CEP112: variants seen among roughly 807,000 people sequenced by gnomAD.
CEP112 encodes the protein centrosomal protein of 112 kDa.
CEP112 carries 127 observed loss-of-function variants against 153.0 expected under a neutral mutation model. The ratio of observed to expected loss-of-function variants is 0.83; its 90% CI spans 0.72 to 0.96. The LOEUF (loss-of-function observed/expected upper bound fraction) is 0.96. CEP112 is among the 40% of genes least tolerant of loss of function. The pLI, the probability that CEP112 is intolerant of heterozygous loss-of-function variation, is 0.00. For synonymous variants in CEP112, 358 were observed against 374.4 expected (o/e 0.96, Z 0.51); for missense variants, 1,089 against 1,101.2 (o/e 0.99, Z 0.16).
At chr17:65,817,700 C>G (rs1347462151) in intron 21 of CEP112, among the ~76,000 whole-genome samples, 1 of 151,836 alleles carries the variant, frequency 6.6e-6, no homozygotes, top group Non-Finnish European at 1.5e-5. Flanking sequence ...AAAGTGCTGT[C>G]TAATTCCTTG....
In CEP112 at chr17:65,635,804, C is replaced by A; in HGVS notation, c.*167G>T. On this transcript the variant is annotated 3_prime_UTR_variant, in exon 27 of 27. Transcript: ENST00000535342. ...ATAACTTAGGCAGACACAAATAAAA[C>A]CACCCCACTAGTGTATGAATGATGC... 1 of 645,296 alleles carries A rather than the reference C, an allele frequency of 1.5e-6. No homozygotes were observed. Among genetic ancestry groups the A allele is most frequent in the Non-Finnish European group, 2.6e-6 (1 of 386,856 alleles). 40.0% of individuals were successfully genotyped at this position (645,296 alleles called of 1,614,324 possible). A position where few individuals can be genotyped will look rare whatever the true frequency, so the allele number is the denominator to read the frequency against.
At chr17:66,169,276 TTTC>T (rs1444675600) in intron 4 of CEP112, among the ~76,000 whole-genome samples, 9 of 144,336 alleles carry the variant, frequency 6.2e-5, no homozygotes, top group Non-Finnish European at 1.0e-4. Context: ...CAATTTTTAA[TTTC>T]TTCTTTTTTT....
chr17:65,779,836 G>T (rs564006999), intron 21 of CEP112, among the ~76,000 whole-genome samples: 1 of 152,192 alleles, frequency 6.6e-6, no homozygotes, highest in South Asian at 2.1e-4. Flanking sequence ...TGTAGTGTAT[G>T]CTTATCAATA....
At chr17:66,182,082 A>G (rs1344134680) in intron 2 of CEP112, 2 of 152,230 alleles carry the variant, frequency 1.3e-5, no homozygotes, top group South Asian at 4.1e-4. Context: ...AACAGTCTCC[A>G]CTTATCCATG....
At chr17:65,736,540 T>C (rs1381401534) in intron 23 of CEP112, among the ~76,000 whole-genome samples, 2 of 152,028 alleles carry the variant, frequency 1.3e-5, no homozygotes, top group Non-Finnish European at 2.9e-5. Flanking sequence ...ATCCAGTGTA[T>C]ATAGAGAAAA....
intron 20 of CEP112, among the ~76,000 whole-genome samples, chr17:65,885,616 T>A (rs1444506357): frequency 6.6e-6 from 1 of 152,214 alleles, no homozygotes; most frequent in Non-Finnish European, 1.5e-5. Flanking sequence ...TCTTGTCAAA[T>A]TTGAAGAGAC....
chr17:65,823,464 C>T (rs2056690461), intron 21 of CEP112, among the ~76,000 whole-genome samples: 1 of 152,116 alleles, frequency 6.6e-6, no homozygotes, highest in African/African-American at 2.4e-5. Context: ...AATACAGAAA[C>T]AATTGAATCT....
At chr17:66,041,648 T>C (rs889158126) in intron 12 of CEP112, among the ~76,000 whole-genome samples, 11 of 152,096 alleles carry the variant, frequency 7.2e-5, no homozygotes, top group Non-Finnish European at 1.3e-4. Flanking sequence ...TAATCCGTAT[T>C]GATGGGGCCA....
chr17:65,916,202 C>T (rs1228466379), intron 19 of CEP112, among the ~76,000 whole-genome samples: 1 of 151,514 alleles, frequency 6.6e-6, no homozygotes, highest in Non-Finnish European at 1.5e-5. Context: ...TTTTTCTTCA[C>T]AACAGTTATC....
chr17:65,636,001 C>T (rs1193373059), intron 26 of CEP112, 27 bp from the exon 27 acceptor site: 1 of 1,593,586 alleles, frequency 6.3e-7, no homozygotes. Context: ...GCAGTCACGA[C>T]TTTCTCTAGG....
intron 4 of CEP112, among the ~76,000 whole-genome samples, chr17:66,166,953 T>C (rs2071997400): frequency 6.7e-6 from 1 of 150,156 alleles, no homozygotes; most frequent in African/African-American, 2.4e-5. Flanking sequence ...TTCAAATATA[T>C]GGCGTGAAAA....
At chr17:66,069,395 T>C (rs1598285602) in intron 9 of CEP112, among the ~76,000 whole-genome samples, 2 of 152,122 alleles carry the variant, frequency 1.3e-5, no homozygotes, top group South Asian at 4.1e-4. Flanking sequence ...TAAGTTTTAT[T>C]TGAAAATACA....
In CEP112 at chr17:65,935,793, A is replaced by T. The variant is rs558014735; in HGVS notation, c.1873-8104T>A. Among the ~76,000 whole-genome samples the T allele has an allele frequency of 2.5e-3, 384 of 152,056 alleles. 1 individual carries two copies. Among genetic ancestry groups the T allele is most frequent in the African/African-American group, 8.7e-3 (361 of 41,540 alleles). On this transcript the variant is annotated intron_variant, in intron 18 of 26. Coordinates refer to ENST00000535342, the MANE Select transcript of CEP112 (RefSeq NM_001199165.4). ...CAAGGGAAATTAATGGCATTTTTTTAAAAAAAGAAAGACAAACCTCAAATC... is the reference window on the plus strand; with the variant it reads ...CAAGGGAAATTAATGGCATTTTTTTTAAAAAAGAAAGACAAACCTCAAATC...
chr17:66,068,059 A>G (rs1481079049), intron 9 of CEP112, among the ~76,000 whole-genome samples: 1 of 152,186 alleles, frequency 6.6e-6, no homozygotes, highest in Admixed American at 6.5e-5. Context: ...ATTAAAATCT[A>G]TTGTTAATTT....
At chr17:65,962,890 T>C (rs2062264537) in intron 17 of CEP112, among the ~76,000 whole-genome samples, 1 of 152,224 alleles carries the variant, frequency 6.6e-6, no homozygotes, top group Admixed American at 6.5e-5. Context: ...CCATTAAACC[T>C]CTTTTGAAAA....
At chr17:65,855,222 T>G (rs760682775) in intron 20 of CEP112, among the ~76,000 whole-genome samples, 1 of 152,194 alleles carries the variant, frequency 6.6e-6, no homozygotes. Flanking sequence ...CTTCTGCTCT[T>G]GTCTCTCTCT....
At chr17:65,669,870 T>C (rs187297631) in intron 24 of CEP112, among the ~76,000 whole-genome samples, 34 of 145,464 alleles carry the variant, frequency 2.3e-4, no homozygotes, top group South Asian at 4.3e-4. Flanking sequence ...GCCACTGCAC[T>C]CCAGCCTGGG....
chr17:65,715,550 A>G (rs377666222), intron 23 of CEP112, among the ~76,000 whole-genome samples: 205 of 151,926 alleles, frequency 1.3e-3, no homozygotes, highest in African/African-American at 4.7e-3. Flanking sequence ...TCCTGGGTTC[A>G]TGCCATTCTC....
rs540028289 is a variant in CEP112, at chr17:65,816,653, G to A, written c.2394+35151C>T. The stretch of plus-strand genomic sequence containing the variant: ...TGCATTCCTGAGATAAACCCTACCT[G>A]ACCTTGATGTGCTATCCTTTTTATA... On this transcript the variant is annotated intron_variant, in intron 21 of 26. Coordinates refer to ENST00000535342, the MANE Select transcript of CEP112 (RefSeq NM_001199165.4). Among the ~76,000 whole-genome samples, 131 of 152,040 alleles carry A rather than the reference G, an allele frequency of 8.6e-4. 4 individuals are homozygous for A. The South Asian group carries it at 0.027, about 31-fold the overall frequency.
Sources: allele counts gnomAD v4.1 joint callset (sites outside exome capture counted in the v4.1 genomes callset), GRCh38; gene constraint gnomAD v4.1.1; transcripts MANE v1.5; gene names NCBI Gene and HGNC (gene_info 2026-07-23, HGNC 2026-07-21).